The following ARHGAP10 variants were observed in gnomAD, a reference collection of about 807,000 sequenced individuals.
The protein encoded by ARHGAP10 is rho GTPase-activating protein 10.
Under a neutral mutation model 108.6 loss-of-function variants are expected in ARHGAP10, and 87 were observed. The observed-to-expected ratio is 0.80, with a 90% CI of 0.67 to 0.96. ARHGAP10 has a LOEUF of 0.96. Ranked by LOEUF, ARHGAP10 falls within the 40% of genes least tolerant of loss-of-function variation. The probability of loss-of-function intolerance (pLI) is 0.00; values close to 1 mark genes in which losing one functional copy is unlikely to be tolerated. For missense variants in ARHGAP10, 939 were observed against 954.5 expected (o/e 0.98, Z 0.21); for synonymous variants, 347 against 341.1 (o/e 1.02, Z -0.19).
chr4:147,789,122 G>C (rs1731010686), intron 1 of ARHGAP10, among the ~76,000 whole-genome samples: 1 of 152,188 alleles, frequency 6.6e-6, no homozygotes, highest in Admixed American at 6.5e-5. Context: ...GAGCACTGGG[G>C]AAGGAGGCTA....
At chr4:148,066,017 C>T (rs551057017) in intron 22 of ARHGAP10, among the ~76,000 whole-genome samples, 6 of 145,248 alleles carry the variant, frequency 4.1e-5, no homozygotes, top group Admixed American at 3.5e-4. Context: ...GATTAGTTTA[C>T]ACAATAGTAA....
At position 147,768,711 on chromosome 4, in the gene ARHGAP10, G is replaced by A. The variant is rs143993253; in HGVS notation, c.154+36256G>A. Among the ~76,000 whole-genome samples, 928 of 150,468 alleles carry A rather than the reference G, an allele frequency of 6.2e-3. 6 individuals carry two copies. Among genetic ancestry groups the A allele is most frequent in the Middle Eastern group, 0.035 (10 of 286 alleles). Reference sequence around the variant, plus strand: ...TTTTTGAGTTTGTTTAAACATTTAAGTGCTTAAAAATGGGGGCAAATTTTC... The same window carrying A: ...TTTTTGAGTTTGTTTAAACATTTAAATGCTTAAAAATGGGGGCAAATTTTC... On this transcript the variant is annotated intron_variant, in intron 1 of 22. Coordinates refer to ENST00000336498, the MANE Select transcript of ARHGAP10 (RefSeq NM_024605.4).
chr4:147,810,281 A>T (rs1259522362), intron 1 of ARHGAP10, among the ~76,000 whole-genome samples: 1 of 152,252 alleles, frequency 6.6e-6, no homozygotes, highest in African/African-American at 2.4e-5. Flanking sequence ...TTTTATTACT[A>T]GTGAAGTTGG....
At chr4:147,764,362 C>T (rs1579014656) in intron 1 of ARHGAP10, among the ~76,000 whole-genome samples, 2 of 151,776 alleles carry the variant, frequency 1.3e-5, no homozygotes, top group Middle Eastern at 6.8e-3. Context: ...AGAGGTGGGT[C>T]AGTAAACAGC....
intron 18 of ARHGAP10, among the ~76,000 whole-genome samples, chr4:147,987,963 G>A (rs1161772771): frequency 6.6e-6 from 1 of 152,096 alleles, no homozygotes; most frequent in Middle Eastern, 3.2e-3. Context: ...GCAAAGTTTT[G>A]GTTGCAACCA....
chr4:147,887,205 C>T (rs754940573), intron 10 of ARHGAP10, among the ~76,000 whole-genome samples: 7 of 152,204 alleles, frequency 4.6e-5, no homozygotes, highest in Middle Eastern at 3.4e-3. Flanking sequence ...AGCTGTTTCC[C>T]GCTCTAGACA....
chr4:147,900,161 T>A (rs1393570186), intron 10 of ARHGAP10, among the ~76,000 whole-genome samples: 1 of 152,210 alleles, frequency 6.6e-6, no homozygotes, highest in East Asian at 1.9e-4. Context: ...AGAGACTTAA[T>A]AGATACAGAG....
At chr4:147,787,282 C>A (rs887514789) in intron 1 of ARHGAP10, among the ~76,000 whole-genome samples, 1 of 152,026 alleles carries the variant, frequency 6.6e-6, no homozygotes. Flanking sequence ...ATGCACTTGG[C>A]ACAGTGAGGG....
In ARHGAP10 at chr4:147,909,767, AC is replaced by A; in HGVS notation, c.1154del (p.Pro385GlnfsTer27). On this transcript the variant is annotated frameshift_variant, in exon 12 of 23. Transcript: ENST00000336498. LOFTEE classifies it high-confidence loss of function. The part of the protein sequence containing the change: ...HSFNTAIIPR[P>X]EGNAQLDKMG... ...GTTTTAATACAGCCATCATCCCAAG[AC>A]CAGAAGGAAGTAAGTGCTCATTTAT... is the stretch of plus-strand genomic sequence containing the variant. The A allele has an allele frequency of 6.2e-7, 1 of 1,610,634 alleles. No homozygotes were observed. Among genetic ancestry groups the A allele is most frequent in the Non-Finnish European group, 8.5e-7 (1 of 1,176,924 alleles).
Position 147,863,800 on chromosome 4 carries a change from A to G in ARHGAP10, c.487-1046A>G, listed in dbSNP as rs554366323. 1.2e-3 allele frequency: 189 copies of G among 152,290 alleles called. 1 individual carries two copies. The highest frequency in any genetic ancestry group is 4.4e-3 in the African/African-American group (181 of 41,558). The allele number at this position is 152,290 out of a possible 1,614,324, so 9.4% of individuals were successfully genotyped here. A position where few individuals can be genotyped will look rare whatever the true frequency, so the allele number is the denominator to read the frequency against. On this transcript the variant is annotated intron_variant, in intron 5 of 22. Transcript: ENST00000336498. The stretch of plus-strand genomic sequence containing the variant: ...TTAGCTTAGTAACACGTTATGTTTC[A>G]ATATTATTTTACTTAAAGCACTATT...
At chr4:147,947,943 G>T (rs1404351547) in intron 15 of ARHGAP10, among the ~76,000 whole-genome samples, 1 of 118,008 alleles carries the variant, frequency 8.5e-6, no homozygotes, top group African/African-American at 2.8e-5. Context: ...ACCTGCCACT[G>T]TTTTTTTTTT....
chr4:147,746,827 A>G (rs993504174), intron 1 of ARHGAP10, among the ~76,000 whole-genome samples: 1 of 152,204 alleles, frequency 6.6e-6, no homozygotes, highest in East Asian at 1.9e-4. Flanking sequence ...ATGGCAGGAC[A>G]TCGAGGAAAC....
At chr4:147,779,639 G>T (rs1730450665) in intron 1 of ARHGAP10, among the ~76,000 whole-genome samples, 2 of 152,160 alleles carry the variant, frequency 1.3e-5, no homozygotes, top group Admixed American at 1.3e-4. Flanking sequence ...AGTCTGGGGA[G>T]TGGTGATCAC....
At chr4:147,915,757 A>G (rs1310398382) in intron 13 of ARHGAP10, among the ~76,000 whole-genome samples, 1 of 152,098 alleles carries the variant, frequency 6.6e-6, no homozygotes, top group Non-Finnish European at 1.5e-5. Context: ...CTTTCAGTGG[A>G]GTAATAGACT....
intron 19 of ARHGAP10, among the ~76,000 whole-genome samples, chr4:148,040,187 A>G (rs1206327879): frequency 1.3e-5 from 2 of 152,172 alleles, no homozygotes; most frequent in Admixed American, 6.5e-5. Flanking sequence ...ATCATCCCCC[A>G]GGCAAGTGGG....
At chr4:148,060,677 A>C (rs745725240) in intron 20 of ARHGAP10, among the ~76,000 whole-genome samples, 2 of 152,196 alleles carry the variant, frequency 1.3e-5, no homozygotes, top group Non-Finnish European at 2.9e-5. Flanking sequence ...CGTCTTGTGA[A>C]TATTCCAGCT....
At chr4:148,013,952 C>T (rs1273422631) in intron 18 of ARHGAP10, among the ~76,000 whole-genome samples, 1 of 152,124 alleles carries the variant, frequency 6.6e-6, no homozygotes, top group Non-Finnish European at 1.5e-5. Flanking sequence ...ACATTTACTA[C>T]TTTTTGATCT....
chr4:147,866,778 A>G lies in ARHGAP10; in HGVS notation c.664A>G (p.Asn222Asp), dbSNP rs1734583211. 8 of 1,613,766 alleles carry G rather than the reference A, an allele frequency of 5.0e-6. No homozygotes were observed. Among genetic ancestry groups the G allele is most frequent in the Non-Finnish European group, 6.8e-6 (8 of 1,179,660 alleles). The change falls in exon 7 of 23, where the codon AAT becomes GAT. Residue 222 changes from asparagine to aspartate, a missense_variant. By Grantham distance (23) the Asn-to-Asp change is conservative. Coordinates refer to ENST00000336498, the MANE Select transcript of ARHGAP10 (RefSeq NM_024605.4). ...HQGHELAKDF[N>D]HYKMELQINI... ...GGGCCATGAACTTGCCAAAGACTTC[A>G]ATCACTACAAAATGGAACTACAGAT...
At chr4:147,790,414 G>T (rs1285802702) in intron 1 of ARHGAP10, among the ~76,000 whole-genome samples, 3 of 152,102 alleles carry the variant, frequency 2.0e-5, no homozygotes, top group Non-Finnish European at 4.4e-5. Flanking sequence ...TTAAAAAATG[G>T]GCTGTCTGGC....
Sources: allele counts gnomAD v4.1 joint callset (sites outside exome capture counted in the v4.1 genomes callset), GRCh38; gene constraint gnomAD v4.1.1; transcripts MANE v1.5; gene names NCBI Gene and HGNC (gene_info 2026-07-23, HGNC 2026-07-21).